CNTLN: variants seen among roughly 807,000 people sequenced by gnomAD.
The protein encoded by CNTLN is centlein, centrosomal protein.
Under a neutral mutation model 180.0 loss-of-function variants are expected in CNTLN, and 212 were observed. The observed-to-expected ratio is 1.18, with a 90% CI of 1.05 to 1.32. CNTLN has a LOEUF of 1.32. Among genes scored for constraint, CNTLN ranks in the 40% most tolerant of loss-of-function variants. CNTLN has a pLI of 0.00. For synonymous variants in CNTLN, 722 were observed against 563.1 expected, an observed-to-expected ratio of 1.28 and a Z score of -3.99; for missense variants, 2,095 against 1,610.9, an observed-to-expected ratio of 1.30 and a Z score of -5.14.
At chr9:17,330,584 T>C in intron 8 of CNTLN, 48 bp from the exon 9 acceptor site, 1 of 987,528 alleles carries the variant, frequency 1.0e-6, no homozygotes. Flanking sequence ...ATAAATAATG[T>C]AAGATACAAA....
intron 2 of CNTLN, among the ~76,000 whole-genome samples, chr9:17,158,390 G>C (rs1349143804): frequency 6.6e-6 from 1 of 151,992 alleles, no homozygotes; most frequent in African/African-American, 2.4e-5. Context: ...GAGGATAATA[G>C]CCTTGTAAAA....
At chr9:17,503,981 A>C (rs2754339), downstream of CNTLN, 2 of 152,676 alleles carry the variant, frequency 1.3e-5, no homozygotes, top group South Asian at 2.1e-4. Flanking sequence ...ATGAGTGTAG[A>C]TGAATAGTAG....
intron 5 of CNTLN, among the ~76,000 whole-genome samples, chr9:17,272,143 T>C (rs9407792): frequency 0.2 from 28,517 of 146,090 alleles, 3,376 homozygotes; most frequent in African/African-American, 0.33. Flanking sequence ...TTGGTGCGAT[T>C]TCAGCTCACT....
rs548333400 is a variant in CNTLN at position 17,388,705 on chromosome 9, G to A, written c.2079+452G>A. On this transcript the variant is annotated intron_variant, in intron 14 of 25. Transcript: ENST00000380647. ...TTTAATGTTAAACATGAAAATATAC[G>A]TGACTCTTCTCATTTTAGATAAAAA... Among the ~76,000 whole-genome samples the A allele has an allele frequency of 4.0e-5, 6 of 151,804 alleles. 1 individual carries two copies. The East Asian group carries it at 9.7e-4, about 25-fold the overall frequency.
intron 12 of CNTLN, among the ~76,000 whole-genome samples, chr9:17,366,300 T>C (rs543556403): frequency 6.6e-6 from 1 of 151,218 alleles, no homozygotes; most frequent in Non-Finnish European, 1.5e-5. Flanking sequence ...TAGTTGTTAT[T>C]GTTGTTGTTA....
chr9:17,298,157 T>C, intron 6 of CNTLN, 33 bp from the exon 7 acceptor site: 3 of 1,395,718 alleles, frequency 2.1e-6, no homozygotes, highest in Non-Finnish European at 2.8e-6. Flanking sequence ...TCTTTATCCA[T>C]ACTTTTCTCT....
At chr9:17,203,946 C>G (rs1177284068) in intron 2 of CNTLN, among the ~76,000 whole-genome samples, 1 of 152,190 alleles carries the variant, frequency 6.6e-6, no homozygotes, top group Non-Finnish European at 1.5e-5. Flanking sequence ...TCCACCTGAT[C>G]GATTTGGCTA....
At chr9:17,513,020 C>CGT in the CNTLN span, among the ~76,000 whole-genome samples, 2 of 152,024 alleles carry the variant, frequency 1.3e-5, no homozygotes, top group Non-Finnish European at 2.9e-5. Context: ...GGGGTTTCAC[C>CGT]GTGTTAGCCA....
intron 12 of CNTLN, among the ~76,000 whole-genome samples, chr9:17,355,632 C>T (rs1564023382): frequency 1.3e-5 from 2 of 152,178 alleles, no homozygotes; most frequent in South Asian, 2.1e-4. Context: ...GTAGGGGGTC[C>T]AGTTTCATTT....
intron 14 of CNTLN, among the ~76,000 whole-genome samples, chr9:17,390,982 C>A (rs1340702079): frequency 6.6e-6 from 1 of 152,094 alleles, no homozygotes; most frequent in Non-Finnish European, 1.5e-5. Context: ...CCACAGTTGA[C>A]ACTCCTATAA....
intron 5 of CNTLN, among the ~76,000 whole-genome samples, chr9:17,265,659 A>T (rs1827371554): frequency 6.6e-6 from 1 of 152,084 alleles, no homozygotes; most frequent in Non-Finnish European, 1.5e-5. Context: ...CTGTGAATCC[A>T]TCTGGTCCTG....
intron 12 of CNTLN, among the ~76,000 whole-genome samples, chr9:17,350,127 G>C (rs1337318145): frequency 6.6e-6 from 1 of 152,208 alleles, no homozygotes; most frequent in African/African-American, 2.4e-5. Flanking sequence ...AAAAAAGTTT[G>C]TGTACATTCT....
At chr9:17,470,729 T>A (rs983406290) in intron 23 of CNTLN, among the ~76,000 whole-genome samples, 1 of 152,030 alleles carries the variant, frequency 6.6e-6, no homozygotes, top group Non-Finnish European at 1.5e-5. Flanking sequence ...TGTGCCTGTA[T>A]GTGAGAGTCA....
chr9:17,483,192 CAAAG>C (rs746208401), intron 23 of CNTLN, among the ~76,000 whole-genome samples: 4 of 151,976 alleles, frequency 2.6e-5, no homozygotes, highest in East Asian at 3.9e-4. Flanking sequence ...CAAAAAATGA[CAAAG>C]AAAATATAAT....
chr9:17,191,001 A>T (rs1028119390), intron 2 of CNTLN, among the ~76,000 whole-genome samples: 1 of 152,092 alleles, frequency 6.6e-6, no homozygotes, highest in African/African-American at 2.4e-5. Flanking sequence ...ACTACCTCTC[A>T]TTTTTTCATG....
In CNTLN at chr9:17,415,847, G is replaced by T. The variant is rs1365720100; in HGVS notation, c.2856G>T (p.Met952Ile). ...CTTTTCAAAAGAAGAATTGCAAGAT[G>T]CAAAAGAGTTCACATACAGCAGTTC... ...KPTFQKKNCK[M>I]QKSSHTAVPT... is the part of the protein sequence containing the mutation. Residue 952 changes from methionine (M) to isoleucine (I), a missense_variant, in exon 17 of 26, where the codon ATG becomes ATT. Physicochemically the swap from Met to Ile is conservative, Grantham distance 10. Coordinates refer to ENST00000380647, the MANE Select transcript of CNTLN (RefSeq NM_017738.4). 2 of 1,612,686 alleles carry T rather than the reference G, an allele frequency of 1.2e-6. No homozygotes were observed. The highest frequency in any genetic ancestry group is 2.7e-5 in the African/African-American group (2 of 74,888).
chr9:17,521,275 G>GAGAGAGAA, the CNTLN span, among the ~76,000 whole-genome samples: 1 of 146,958 alleles, frequency 6.8e-6, no homozygotes, highest in African/African-American at 2.5e-5. Context: ...AAGAGAGAGA[G>GAGAGAGAA]AGAGAGAGAG....
intron 2 of CNTLN, chr9:17,167,218 C>T (rs928906566): frequency 1.9e-4 from 32 of 166,484 alleles, no homozygotes; most frequent in Non-Finnish European, 3.9e-5. Context: ...TAAATCATCA[C>T]TTACTTGCAG....
chr9:17,143,120 A>G (rs2131437634), intron 1 of CNTLN, among the ~76,000 whole-genome samples, 168 bp from the exon 2 acceptor site: 1 of 152,358 alleles, frequency 6.6e-6, no homozygotes, highest in East Asian at 1.9e-4. Flanking sequence ...TATCTGTGTA[A>G]TAACTTTTTA....
Sources: gnomAD v4.1 joint callset for allele counts (sites outside exome capture counted in the v4.1 genomes callset) on GRCh38, gnomAD v4.1.1 for gene constraint, MANE v1.5 for transcripts, NCBI Gene and HGNC (gene_info 2026-07-23, HGNC 2026-07-21) for gene names.